The following SLC24A2 variants were observed in gnomAD, a reference collection of about 807,000 sequenced individuals.
SLC24A2 encodes the protein solute carrier family 24 member 2.
Under a neutral mutation model 62.0 loss-of-function variants are expected in SLC24A2, and 36 were observed. The observed-to-expected ratio is 0.58, with a 90% CI of 0.44 to 0.77. The LOEUF is 0.77. Ranked by LOEUF, SLC24A2 falls within the 30% of genes least tolerant of loss-of-function variation. The pLI, the probability that SLC24A2 is intolerant of heterozygous loss-of-function variation, is 0.00. For missense variants in SLC24A2, 846 were observed against 817.9 expected (o/e 1.03, Z -0.42); for synonymous variants, 358 against 294.0 (o/e 1.22, Z -2.23).
chr9:19,779,531 T>G (rs748427625), intron 2 of SLC24A2, among the ~76,000 whole-genome samples: 2 of 151,838 alleles, frequency 1.3e-5, no homozygotes, highest in South Asian at 2.1e-4. Flanking sequence ...GAAATAAAAC[T>G]CTAAGTAAAT....
chr9:20,140,932 C>G, the SLC24A2 span, among the ~76,000 whole-genome samples: 1 of 152,170 alleles, frequency 6.6e-6, no homozygotes, highest in South Asian at 2.1e-4. Context: ...ACCTCCAATT[C>G]AACCACCACT....
At chr9:20,110,463 T>G in the SLC24A2 span, among the ~76,000 whole-genome samples, 22 of 152,146 alleles carry the variant, frequency 1.4e-4, 2 homozygotes, top group African/African-American at 5.3e-4. Context: ...ATGCACTTTT[T>G]TTTTTCACTC....
the SLC24A2 span, among the ~76,000 whole-genome samples, chr9:20,133,569 G>C: frequency 6.6e-6 from 1 of 151,920 alleles, no homozygotes; most frequent in African/African-American, 2.4e-5. Flanking sequence ...AATTTTTCTC[G>C]ATATTTCAAA....
chr9:20,269,039 T>C, the SLC24A2 span, among the ~76,000 whole-genome samples: 17 of 152,320 alleles, frequency 1.1e-4, no homozygotes, highest in African/African-American at 3.9e-4. Flanking sequence ...AATTTAGCAG[T>C]TAAGGATGCA....
the SLC24A2 span, among the ~76,000 whole-genome samples, chr9:20,034,892 T>C: frequency 1.3e-5 from 2 of 152,226 alleles, no homozygotes; most frequent in African/African-American, 4.8e-5. Context: ...TATTACAAAA[T>C]TACATTGGTG....
the SLC24A2 span, among the ~76,000 whole-genome samples, chr9:20,242,155 A>C: frequency 3.3e-5 from 5 of 152,054 alleles, no homozygotes; most frequent in East Asian, 3.9e-4. Context: ...CCTGCCCCCC[A>C]CAGTCCCCAA....
At chr9:20,110,401 A>T in the SLC24A2 span, among the ~76,000 whole-genome samples, 1 of 152,146 alleles carries the variant, frequency 6.6e-6, no homozygotes, top group Non-Finnish European at 1.5e-5. Flanking sequence ...TAAATAATCA[A>T]ATCAACGCCA....
At chr9:19,737,000 T>C (rs1185966242) in intron 2 of SLC24A2, among the ~76,000 whole-genome samples, 1 of 152,110 alleles carries the variant, frequency 6.6e-6, no homozygotes, top group African/African-American at 2.4e-5. Context: ...GCAAATATAG[T>C]GGGAAATTTT....
At chr9:19,756,144 C>G (rs927287429) in intron 2 of SLC24A2, among the ~76,000 whole-genome samples, 15 of 152,154 alleles carry the variant, frequency 9.9e-5, no homozygotes, top group African/African-American at 3.4e-4. Context: ...AATTTGAGCA[C>G]TGAAACTGTA....
At chr9:20,129,107 C>T in the SLC24A2 span, among the ~76,000 whole-genome samples, 1 of 151,990 alleles carries the variant, frequency 6.6e-6, no homozygotes. Context: ...ACCAATCAAC[C>T]CACTTTTGAA....
the SLC24A2 span, among the ~76,000 whole-genome samples, chr9:20,080,007 C>T: frequency 6.6e-6 from 1 of 152,188 alleles, no homozygotes; most frequent in East Asian, 1.9e-4. Flanking sequence ...ACGTTCCATG[C>T]TCATGGGTAG....
rs763175594 is a variant in SLC24A2 at position 19,785,999 on chromosome 9, C to T, written c.868G>A (p.Val290Met). 3 of 1,614,130 alleles carry T rather than the reference C, an allele frequency of 1.9e-6. No individual in the cohort carries two copies. The South Asian group carries it at 3.3e-5, about 18-fold the overall frequency. ...MKFNVQVEKW[V>M]KQMINRNKVV... ...TTATTGCGGTTTATCATTTGCTTCA[C>T]CCATTTTTCTACTTGGACGTTGAAT... Residue 290 changes from valine (V) to methionine (M), a missense_variant, in exon 2 of 11, where the codon GTG (valine) becomes ATG (methionine). Physicochemically the swap from Val to Met is conservative, Grantham distance 21 (BLOSUM62 1). Transcript: ENST00000341998.
At chr9:19,812,966 C>T in the SLC24A2 span, among the ~76,000 whole-genome samples, 2 of 152,180 alleles carry the variant, frequency 1.3e-5, no homozygotes, top group African/African-American at 4.8e-5. Context: ...ATCCTTGCCT[C>T]TTAGCTGAAA....
chr9:19,796,109 C>G, the SLC24A2 span, among the ~76,000 whole-genome samples: 1 of 116,412 alleles, frequency 8.6e-6, no homozygotes, highest in African/African-American at 3.6e-5. Flanking sequence ...CATCACACAC[C>G]GGGGCCTGTT....
chr9:20,251,417 A>G, the SLC24A2 span, among the ~76,000 whole-genome samples: 1 of 152,186 alleles, frequency 6.6e-6, no homozygotes, highest in African/African-American at 2.4e-5. Context: ...CACCAAGGAA[A>G]AAAATGACCA....
At chr9:20,202,252 G>C in the SLC24A2 span, among the ~76,000 whole-genome samples, 1 of 152,242 alleles carries the variant, frequency 6.6e-6, no homozygotes, top group Non-Finnish European at 1.5e-5. Flanking sequence ...GCCAGAGAAA[G>C]AAAGGAAGGA....
the SLC24A2 span, among the ~76,000 whole-genome samples, chr9:20,029,061 T>G: frequency 4.6e-5 from 7 of 152,112 alleles, no homozygotes; most frequent in South Asian, 2.1e-4. Flanking sequence ...CCATCACCCT[T>G]CCTCCCACTT....
intron 2 of SLC24A2, among the ~76,000 whole-genome samples, chr9:19,673,596 G>A (rs1819481715): frequency 6.6e-6 from 1 of 152,090 alleles, no homozygotes; most frequent in Non-Finnish European, 1.5e-5. Context: ...TTACAGGTGT[G>A]CACCACCATG....
chr9:20,151,095 T>TC, the SLC24A2 span, among the ~76,000 whole-genome samples: 1 of 151,888 alleles, frequency 6.6e-6, no homozygotes, highest in African/African-American at 2.4e-5. Flanking sequence ...GCGAAGAAAC[T>TC]CCCCACTTTC....
Sources: gnomAD v4.1 joint callset for allele counts (sites outside exome capture counted in the v4.1 genomes callset) on GRCh38, gnomAD v4.1.1 for gene constraint, MANE v1.5 for transcripts, NCBI Gene and HGNC (gene_info 2026-07-23, HGNC 2026-07-21) for gene names.